The following PSIP1 variants were observed in gnomAD, a reference collection of about 807,000 sequenced individuals.
PSIP1 encodes PC4 and SRSF1 interacting protein 1.
PSIP1 carries 19 observed loss-of-function variants against 74.7 expected under a neutral mutation model. The ratio of observed to expected loss-of-function variants is 0.25; its 90% CI spans 0.18 to 0.37. The LOEUF is 0.37. PSIP1 is among the 10% of genes least tolerant of loss of function. PSIP1 has a pLI of 1.00. For missense variants in PSIP1, 601 were observed against 614.3 expected, an observed-to-expected ratio of 0.98 and a Z score of 0.23; for synonymous variants, 222 against 195.3, an observed-to-expected ratio of 1.14 and a Z score of -1.14.
chr9:15,469,281 G>T lies in PSIP1; in HGVS notation c.1089C>A (p.Leu363=). ...QRIHAEIKNS[L]KIDNLDVNRC... is the part of the protein sequence containing the mutation. ...AAACACTTACAAGATTATCAATTTT[G>T]AGTGAATTTTTAATCTCAGCATGTA... The change falls in exon 12 of 16, where the codon CTC becomes CTA. Residue 363 remains leucine, a synonymous_variant. Coordinates refer to ENST00000380733, the MANE Select transcript of PSIP1 (RefSeq NM_033222.5). 6.4e-7 allele frequency: 1 copy of T among 1,560,364 alleles called. No homozygotes were observed.
intron 2 of PSIP1, among the ~76,000 whole-genome samples, chr9:15,507,265 C>T (rs1207294289): frequency 1.3e-5 from 2 of 152,170 alleles, no homozygotes; most frequent in Non-Finnish European, 2.9e-5. Context: ...GGTGCTGTCA[C>T]GTCTAATATA....
intron 4 of PSIP1, chr9:15,489,286 G>C (rs1474953673): frequency 6.6e-6 from 1 of 152,044 alleles, no homozygotes; most frequent in Non-Finnish European, 1.5e-5. Context: ...AACTCATGAG[G>C]TTCATATTCC....
Position 15,474,093 on chromosome 9 carries a change from T to C in PSIP1, c.774A>G (p.Glu258=). Residue 258 remains glutamate, a synonymous_variant, in exon 9 of 16, where the codon GAA becomes GAG. Transcript: ENST00000380733. ...PDKKEGKKEV[E]SKRKNLAKTG... ...TTTTAGCTAAATTTTTCCTTTTTGA[T>C]TCAACTTCTTTCTTCCCCTCTTTTT... 1 of 1,613,844 alleles carries C rather than the reference T, an allele frequency of 6.2e-7. No homozygotes were observed. Among genetic ancestry groups the C allele is most frequent in the South Asian group, 1.1e-5 (1 of 91,070 alleles).
At chr9:15,484,797 C>T (rs2036487516) in intron 6 of PSIP1, among the ~76,000 whole-genome samples, 1 of 151,632 alleles carries the variant, frequency 6.6e-6, no homozygotes, top group Admixed American at 6.6e-5. Flanking sequence ...CCTGTAATCC[C>T]AGCTACTTGG....
At chr9:15,497,180 G>A (rs1230822546) in intron 3 of PSIP1, among the ~76,000 whole-genome samples, 1 of 150,842 alleles carries the variant, frequency 6.6e-6, no homozygotes, top group Non-Finnish European at 1.5e-5. Context: ...GAATAAATAT[G>A]GTAAATCAAT....
At chr9:15,465,684 GA>G in intron 15 of PSIP1, 104 bp from the exon 16 acceptor site, 1 of 903,074 alleles carries the variant, frequency 1.1e-6, no homozygotes, top group Non-Finnish European at 1.7e-6. Flanking sequence ...TGAAAAGACT[GA>G]AACCAACCAA....
Position 15,479,658 on chromosome 9 carries a change from T to G in PSIP1, c.486A>C (p.Ala162=). The G allele has an allele frequency of 6.2e-7, 1 of 1,612,920 alleles. No individual in the cohort carries two copies. The highest frequency in any genetic ancestry group is 2.2e-5 in the East Asian group (1 of 44,766). ...ATGCTGTTGCTGTTGTCACTACTCC[T>G]GCCTCCTCAGTTTCTACTTGTTTTT... is the stretch of plus-strand genomic sequence containing the variant. ...KAEKQVETEE[A]GVVTTATASV... is the part of the protein sequence containing the mutation. Residue 162 remains alanine, a synonymous_variant, in exon 7 of 16, where the codon GCA becomes GCC. Transcript: ENST00000380733.
In PSIP1 at chr9:15,472,685, C is replaced by A. The variant is rs769573888; in HGVS notation, c.924G>T (p.Glu308Asp). Reference sequence around the variant, plus strand: ...TGCGTTTTCGATCTGCTGCTTCTTTCTCATGTTGGCCTTTCAGCATATTCC... The same window carrying A: ...TGCGTTTTCGATCTGCTGCTTCTTTATCATGTTGGCCTTTCAGCATATTCC... The part of the protein sequence containing the change: ...HRRNMLKGQH[E>D]KEAADRKRKQ... Residue 308 changes from glutamate to aspartate, a missense_variant, in exon 10 of 16, where the codon GAG (glutamate) becomes GAT (aspartate). Transcript: ENST00000380733. The A allele has an allele frequency of 1.1e-5, 17 of 1,608,948 alleles. No homozygotes were observed. Among genetic ancestry groups the A allele is most frequent in the Non-Finnish European group, 1.4e-5 (16 of 1,178,814 alleles).
At chr9:15,489,576 C>A (rs981048118) in intron 4 of PSIP1, 36 of 144,966 alleles carry the variant, frequency 2.5e-4, no homozygotes, top group African/African-American at 9.1e-4. Context: ...CCATTGCACT[C>A]CAGCCTGGGC....
At chr9:15,486,375 A>G (rs1248383843) in intron 5 of PSIP1, among the ~76,000 whole-genome samples, 1 of 152,202 alleles carries the variant, frequency 6.6e-6, no homozygotes, top group Non-Finnish European at 1.5e-5. Context: ...TTGAATTGTG[A>G]ATTTTAAAGG....
At position 15,501,840 on chromosome 9, in the gene PSIP1, C is replaced by CATATATATATATATATATATAT. The variant is rs112671758; in HGVS notation, c.149+4699_149+4720dup. On this transcript the variant is annotated intron_variant, in intron 3 of 15. Transcript: ENST00000380733. ...TGTTTAAGTCCCTTATATAAAACAGCATATATATATATATATATATATATA... is the reference window on the plus strand; with the variant it reads ...TGTTTAAGTCCCTTATATAAAACAGCATATATATATATATATATATATATATATATATATATATATATATATA... 5.7e-3 allele frequency among the ~76,000 whole-genome samples: 712 copies of CATATATATATATATATATATAT among 124,332 alleles called. 11 individuals carry two copies. Among genetic ancestry groups the CATATATATATATATATATATAT allele is most frequent in the African/African-American group, 7.9e-3 (217 of 27,420 alleles). The allele number at this position is 124,332 out of a possible 152,430, so 81.6% of individuals were successfully genotyped here.
chr9:15,471,880 A>C (rs990315720), intron 10 of PSIP1: 2 of 982,626 alleles, frequency 2.0e-6, no homozygotes, highest in Non-Finnish European at 2.4e-6. Flanking sequence ...AAAAAAACAA[A>C]ATTTAGTCAG....
intron 6 of PSIP1, among the ~76,000 whole-genome samples, chr9:15,483,038 C>A (rs1419386749): frequency 6.6e-6 from 1 of 152,124 alleles, no homozygotes; most frequent in African/African-American, 2.4e-5. Context: ...CATTCTCAGC[C>A]ATAATTTCAC....
At chr9:15,496,227 T>C (rs1051357860) in intron 3 of PSIP1, among the ~76,000 whole-genome samples, 1 of 152,226 alleles carries the variant, frequency 6.6e-6, no homozygotes, top group African/African-American at 2.4e-5. Flanking sequence ...TTTAACCATG[T>C]TGTTAGTGGA....
In PSIP1 at chr9:15,489,876, A is replaced by G. The variant is rs1048196171; in HGVS notation, c.288+110T>C. The G allele has an allele frequency of 1.2e-5, 11 of 913,762 alleles. No homozygotes were observed. In the Admixed American group the frequency reaches 2.0e-4, roughly 17 times the overall value. The allele number at this position is 913,762 out of a possible 1,614,324, so 56.6% of individuals were successfully genotyped here. ...CAACCTCACAAATAAGAACACAACA[A>G]ACTAGTATGAAATTCCCAAGGCTTT... On this transcript the variant is annotated intron_variant, in intron 4 of 15. Transcript: ENST00000380733.
chr9:15,466,771 G>GT lies in PSIP1; in HGVS notation c.1508dup (p.Asn503LysfsTer3). 6.2e-7 allele frequency: 1 copy of GT among 1,611,814 alleles called. No homozygotes were observed. Among genetic ancestry groups the GT allele is most frequent in the South Asian group, 1.1e-5 (1 of 90,516 alleles). On this transcript the variant is annotated frameshift_variant, in exon 15 of 16. Coordinates refer to ENST00000380733, the MANE Select transcript of PSIP1 (RefSeq NM_033222.5). LOFTEE classifies it high-confidence loss of function. ...ACTTTTTCTTCGTGCTGGCTTCATG[G>GT]TTGTCTTTGCTGTCTTCATTGCTCT...
intron 4 of PSIP1, 120 bp from the exon 5 acceptor site, chr9:15,487,051 G>GTA: frequency 3.6e-6 from 2 of 554,494 alleles, no homozygotes; most frequent in Non-Finnish European, 5.8e-6. Flanking sequence ...CAGGCTGGAG[G>GTA]CAGTGGCGCA....
At chr9:15,498,780 C>A (rs1302729985) in intron 3 of PSIP1, among the ~76,000 whole-genome samples, 2 of 152,114 alleles carry the variant, frequency 1.3e-5, no homozygotes, top group East Asian at 3.9e-4. Context: ...GTAGGTCTGA[C>A]TGATTCATTC....
At chr9:15,508,175 G>C (rs1253155761) in intron 2 of PSIP1, among the ~76,000 whole-genome samples, 1 of 152,130 alleles carries the variant, frequency 6.6e-6, no homozygotes, top group Non-Finnish European at 1.5e-5. Flanking sequence ...ATGAAGTTTG[G>C]GACATGTAGA....
Sources: gnomAD v4.1 joint callset for allele counts (sites outside exome capture counted in the v4.1 genomes callset) on GRCh38, gnomAD v4.1.1 for gene constraint, MANE v1.5 for transcripts, NCBI Gene and HGNC (gene_info 2026-07-23, HGNC 2026-07-21) for gene names.